Variants in DCBLD1 observed in about 807,000 individuals in gnomAD.
The protein encoded by DCBLD1 is discoidin, CUB and LCCL domain-containing protein 1.
Under a neutral mutation model 71.5 loss-of-function variants are expected in DCBLD1, and 57 were observed. That is an observed-to-expected ratio of 0.80 (90% CI 0.64 to 0.99). The LOEUF is 0.99. Ranked by LOEUF, DCBLD1 falls within the 50% of genes least tolerant of loss-of-function variation. The pLI is 0.00. For synonymous variants in DCBLD1, 380 were observed against 363.8 expected, an observed-to-expected ratio of 1.04 and a Z score of -0.51; for missense variants, 891 against 923.5, an observed-to-expected ratio of 0.96 and a Z score of 0.46.
intron 5 of DCBLD1, among the ~76,000 whole-genome samples, chr6:117,526,814 C>G (rs1026680980): frequency 2.0e-5 from 3 of 152,156 alleles, no homozygotes; most frequent in Non-Finnish European, 2.9e-5. Flanking sequence ...AATAATATTA[C>G]CATAAACTTA....
Position 117,503,833 on chromosome 6 carries a change from G to A in DCBLD1, c.179G>A (p.Gly60Glu), listed in dbSNP as rs1777744455. 1 of 1,613,826 alleles carries A rather than the reference G, an allele frequency of 6.2e-7. No homozygotes were observed. Among genetic ancestry groups the A allele is most frequent in the Non-Finnish European group, 8.5e-7 (1 of 1,179,982 alleles). Residue 60 changes from glycine (G) to glutamate (E), a missense_variant, in exon 2 of 15, where the codon GGG becomes GAG. Gly to Glu is a moderately conservative substitution (Grantham distance 98, BLOSUM62 -2). Transcript: ENST00000338728. ...ACAATGACATCTAAGAATTATCCCG[G>A]GACCTACCCCAATCACACTGTTTGC... ...SGTMTSKNYP[G>E]TYPNHTVCEK...
intron 1 of DCBLD1, among the ~76,000 whole-genome samples, chr6:117,500,352 A>G (rs568860915): frequency 6.6e-5 from 10 of 152,306 alleles, no homozygotes; most frequent in Admixed American, 5.9e-4. Flanking sequence ...TTTGCGATTC[A>G]GGTTCTTTGG....
At chr6:117,518,638 A>G (rs1778285841) in intron 2 of DCBLD1, among the ~76,000 whole-genome samples, 1 of 152,226 alleles carries the variant, frequency 6.6e-6, no homozygotes, top group African/African-American at 2.4e-5. Context: ...GGTAGAAGGC[A>G]AAAGACATGT....
intron 1 of DCBLD1, 186 bp from the exon 2 acceptor site, chr6:117,503,581 A>G (rs949266292): frequency 1.6e-6 from 1 of 611,510 alleles, no homozygotes; most frequent in Non-Finnish European, 2.8e-6. Context: ...ACTGGAAAAC[A>G]AGAGATGAAA....
intron 1 of DCBLD1, among the ~76,000 whole-genome samples, chr6:117,497,243 A>T (rs563004071): frequency 6.6e-6 from 1 of 152,202 alleles, no homozygotes; most frequent in Admixed American, 6.5e-5. Flanking sequence ...ACTCCACCCA[A>T]ATCATTTTCC....
intron 1 of DCBLD1, among the ~76,000 whole-genome samples, chr6:117,485,362 T>C (rs1233236486): frequency 6.6e-6 from 1 of 151,948 alleles, no homozygotes; most frequent in Non-Finnish European, 1.5e-5. Context: ...AAATCTTGCA[T>C]ACTTAAGAAT....
At chr6:117,514,913 A>G (rs1305675535) in intron 2 of DCBLD1, among the ~76,000 whole-genome samples, 1 of 151,890 alleles carries the variant, frequency 6.6e-6, no homozygotes, top group African/African-American at 2.4e-5. Flanking sequence ...AAATATGTAT[A>G]CTTTTTGCAA....
intron 2 of DCBLD1, among the ~76,000 whole-genome samples, chr6:117,512,627 C>T (rs1274217147): frequency 6.6e-6 from 1 of 152,132 alleles, no homozygotes. Context: ...AAGTACCACT[C>T]GCCTGGCAGC....
chr6:117,531,117 A>C (rs989333821), intron 5 of DCBLD1, among the ~76,000 whole-genome samples: 1 of 152,228 alleles, frequency 6.6e-6, no homozygotes, highest in Non-Finnish European at 1.5e-5. Context: ...ATATTGCAAA[A>C]TATGATTTGT....
intron 2 of DCBLD1, among the ~76,000 whole-genome samples, chr6:117,509,587 C>A (rs1777948774): frequency 6.6e-6 from 1 of 152,090 alleles, no homozygotes; most frequent in African/African-American, 2.4e-5. Flanking sequence ...ATCCTCTGCC[C>A]CTCTACTTTA....
intron 1 of DCBLD1, among the ~76,000 whole-genome samples, chr6:117,501,739 C>T (rs1321546914): frequency 2.0e-5 from 3 of 152,180 alleles, no homozygotes; most frequent in Non-Finnish European, 4.4e-5. Context: ...ACTGTGTGCT[C>T]CTGCACACTA....
chr6:117,559,204 C>CCAA (rs1404883135), intron 14 of DCBLD1, among the ~76,000 whole-genome samples: 4 of 152,110 alleles, frequency 2.6e-5, no homozygotes, highest in Non-Finnish European at 1.5e-5. Context: ...GAAGCAGACG[C>CCAA]CAACACCAAA....
rs551893485 is a variant in DCBLD1 at position 117,556,653 on chromosome 6, C to T, written c.1615+11056C>T. On this transcript the variant is annotated intron_variant, in intron 14 of 14. Transcript: ENST00000296955. ...ACACTTAGGTTGATTCCATACATAT[C>T]TTTGCTATTGTGAATAGTGCTGTGA... 5.3e-5 allele frequency among the ~76,000 whole-genome samples: 8 copies of T among 152,262 alleles called. No individual in the cohort carries two copies. In the South Asian group the frequency reaches 1.7e-3, roughly 32 times the overall value.
Position 117,548,039 on chromosome 6 carries a change from G to A in DCBLD1, c.1748G>A (p.Arg583Gln), listed in dbSNP as rs61747864. Residue 583 changes from arginine to glutamine, a missense_variant, in exon 15 of 15, where the codon CGG (arginine) becomes CAG (glutamine). Arg to Gln is a conservative substitution (Grantham distance 43). Coordinates refer to ENST00000338728, the MANE Select transcript of DCBLD1 (RefSeq NM_001366458.2). ...DAGGHYDCPQ[R>Q]AGRHEYALPL... ...GGCGGCCACTATGACTGCCCGCAGC[G>A]GGCCGGCCGCCACGAGTACGCGCTG... 5.2e-6 allele frequency: 8 copies of A among 1,549,248 alleles called. No individual in the cohort carries two copies. The South Asian group carries it at 9.5e-5, about 18-fold the overall frequency.
chr6:117,556,213 T>A (rs1241035832), intron 14 of DCBLD1, among the ~76,000 whole-genome samples: 1 of 152,226 alleles, frequency 6.6e-6, no homozygotes, highest in Non-Finnish European at 1.5e-5. Flanking sequence ...CTTCCTTTTT[T>A]AAAATATATT....
chr6:117,555,203 A>G (rs776442109), intron 14 of DCBLD1, among the ~76,000 whole-genome samples: 8 of 152,296 alleles, frequency 5.3e-5, no homozygotes, highest in East Asian at 1.9e-4. Context: ...AAAGTTTTCA[A>G]ATTTATTCCT....
In DCBLD1 at chr6:117,540,788, G is replaced by T; in HGVS notation, c.1222G>T (p.Glu408Ter). ...TWHQRIALKV[E>*]LIGCQITQGN... Reference sequence around the variant, plus strand: ...GCACCAGAGGATAGCCTTGAAGGTGGAGCTCATTGGTTGCCAGATTACACA... The same window carrying T: ...GCACCAGAGGATAGCCTTGAAGGTGTAGCTCATTGGTTGCCAGATTACACA... Residue 408 changes from glutamate to a stop codon, truncating the protein, a stop_gained, in exon 10 of 15, where the codon GAG (glutamate) becomes TAG (stop). Coordinates refer to ENST00000338728, the MANE Select transcript of DCBLD1 (RefSeq NM_001366458.2). LOFTEE classifies it high-confidence loss of function. The T allele has an allele frequency of 6.2e-7, 1 of 1,614,228 alleles. No homozygotes were observed. The highest frequency in any genetic ancestry group is 2.2e-5 in the East Asian group (1 of 44,888).
At chr6:117,525,476 G>A (rs758306146) in intron 5 of DCBLD1, 42 bp downstream of exon 5, 8 of 1,393,202 alleles carry the variant, frequency 5.7e-6, no homozygotes, top group South Asian at 1.9e-5. Context: ...ATTAAAAGGA[G>A]TAAGTGCTTT....
intron 2 of DCBLD1, among the ~76,000 whole-genome samples, chr6:117,515,284 A>AC (rs1778158244): frequency 6.6e-6 from 1 of 152,134 alleles, no homozygotes; most frequent in Non-Finnish European, 1.5e-5. Context: ...GGCCTCCCAC[A>AC]GTGCTGGGAT....
Sources: allele counts gnomAD v4.1 joint callset (sites outside exome capture counted in the v4.1 genomes callset), GRCh38; gene constraint gnomAD v4.1.1; transcripts MANE v1.5; gene names NCBI Gene and HGNC (gene_info 2026-07-23, HGNC 2026-07-21).